Variants in STS observed in about 807,000 individuals in gnomAD.
STS encodes the protein steryl-sulfatase.
A neutral mutation model predicts 26.8 loss-of-function variants in STS; 7 were observed. That is an observed-to-expected ratio of 0.26 (90% CI 0.15 to 0.49). The LOEUF (loss-of-function observed/expected upper bound fraction) is 0.49, where lower values mean the gene tolerates loss of function less well. STS is among the 20% of genes least tolerant of loss of function. STS has a pLI of 0.98. For missense variants in STS, 434 were observed against 465.6 expected (o/e 0.93, Z 0.63); for synonymous variants, 199 against 189.4 (o/e 1.05, Z -0.42).
chrX:7,303,896 A>G (rs1462932099), intron 7 of STS, among the ~76,000 whole-genome samples: 1 of 111,774 alleles, frequency 8.9e-6, no homozygotes, highest in African/African-American at 3.2e-5. Flanking sequence ...CCCTTCACTC[A>G]TATTTAACAG....
chrX:7,148,332 C>G (rs1243753548), intron 1 of STS: 3 of 256,262 alleles, frequency 1.2e-5, no homozygotes, highest in Non-Finnish European at 2.1e-5. Flanking sequence ...TAGCTGCAGA[C>G]CCGGGATGCG....
chrX:7,336,400 T>C (rs1337619023), intron 10 of STS, among the ~76,000 whole-genome samples: 3 of 111,741 alleles, frequency 2.7e-5, no homozygotes, highest in Non-Finnish European at 3.8e-5. Flanking sequence ...GAAAAGCCTC[T>C]CTTTTATTTT....
At chrX:7,277,756 C>T (rs1364066629) in intron 7 of STS, among the ~76,000 whole-genome samples, 1 of 112,316 alleles carries the variant, frequency 8.9e-6, no homozygotes. Flanking sequence ...AAGAAGAATG[C>T]ATTACGCTTA....
In STS at chrX:7,349,934, C is replaced by T. The variant is rs750588207; in HGVS notation, c.1410C>T (p.Pro470=). The change falls in exon 11 of 11, where the codon CCC becomes CCT. Residue 470 remains proline (P), a synonymous_variant. Transcript: ENST00000674429. ...TTTTCTTCACCCCCAACTTCAACCC[C>T]GTGGGTTCCAACGGATGCTTTGCCA... ...KAFFFTPNFN[P]VGSNGCFATH... The T allele has an allele frequency of 2.1e-5, 25 of 1,210,168 alleles. No homozygotes were observed. The highest frequency in any genetic ancestry group is 3.5e-5 in the South Asian group (2 of 56,832).
At chrX:7,298,298 T>C (rs1925762424) in intron 7 of STS, among the ~76,000 whole-genome samples, 1 of 111,848 alleles carries the variant, frequency 8.9e-6, no homozygotes, top group Non-Finnish European at 1.9e-5. Flanking sequence ...TGTAAACTTT[T>C]AGATTTGATT....
At position 7,292,609 on chromosome X, in the gene STS, T is replaced by C. The variant is rs751210599; in HGVS notation, c.944-12437T>C. On this transcript the variant is annotated intron_variant, in intron 7 of 10. Coordinates refer to ENST00000674429, the MANE Select transcript of STS (RefSeq NM_001320752.2). Reference sequence around the variant, plus strand: ...TACTCATGGCTCTGCAGATGGCTTCTGCTTGGTTTGGTCCATAGTCTTGTC... The same window carrying C: ...TACTCATGGCTCTGCAGATGGCTTCCGCTTGGTTTGGTCCATAGTCTTGTC... 2.2e-4 allele frequency among the ~76,000 whole-genome samples: 24 copies of C among 110,992 alleles called. 1 individual carries two copies. The highest frequency in any genetic ancestry group is 6.5e-4 in the African/African-American group (20 of 30,563).
rs765812826 is a variant in STS at position 7,245,300 on chromosome X, C to T, written c.-4-7896C>T. ...AGACGGATGCTAATTTTTGAATCTT[C>T]TCTGTGCCCCGTAAAACCTTCCAGC... On this transcript the variant is annotated intron_variant, in intron 2 of 10. Coordinates refer to ENST00000674429, the MANE Select transcript of STS (RefSeq NM_001320752.2). 9.8e-5 allele frequency among the ~76,000 whole-genome samples: 11 copies of T among 112,174 alleles called. No homozygotes were observed. The East Asian group carries it at 3.1e-3, about 32-fold the overall frequency.
At chrX:7,301,248 C>T (rs1298307887) in intron 7 of STS, among the ~76,000 whole-genome samples, 1 of 109,518 alleles carries the variant, frequency 9.1e-6, no homozygotes, top group Admixed American at 9.7e-5. Context: ...AAAAAATAGC[C>T]AGGCATGGTG....
intron 2 of STS, among the ~76,000 whole-genome samples, chrX:7,239,179 A>G (rs1238225098): frequency 8.9e-6 from 1 of 111,894 alleles, no homozygotes; most frequent in Admixed American, 9.5e-5. Flanking sequence ...AGTGATTTAA[A>G]TAGGTATTTA....
intron 2 of STS, among the ~76,000 whole-genome samples, chrX:7,200,739 A>G (rs756339862): frequency 9.0e-6 from 1 of 111,345 alleles, no homozygotes; most frequent in Non-Finnish European, 1.9e-5. Flanking sequence ...ACCGCAGTCC[A>G]AGCATATTTT....
intron 2 of STS, among the ~76,000 whole-genome samples, chrX:7,226,818 C>A (rs1921828161): frequency 9.0e-6 from 1 of 111,638 alleles, no homozygotes; most frequent in Non-Finnish European, 1.9e-5. Context: ...TTGCTTCAAC[C>A]CAGGAGGTCA....
chrX:7,226,419 C>G (rs779453125), intron 2 of STS, among the ~76,000 whole-genome samples: 1 of 111,953 alleles, frequency 8.9e-6, no homozygotes, highest in South Asian at 3.7e-4. Flanking sequence ...TTTGGATTGT[C>G]TCCAGTTTTT....
intron 2 of STS, among the ~76,000 whole-genome samples, chrX:7,209,078 A>G (rs1920972765): frequency 9.0e-6 from 1 of 111,586 alleles, no homozygotes; most frequent in Admixed American, 9.6e-5. Flanking sequence ...GCCCTTTGCC[A>G]TGTAAGGTAA....
intron 2 of STS, among the ~76,000 whole-genome samples, chrX:7,200,731 C>T (rs968028604): frequency 2.7e-5 from 3 of 111,307 alleles, no homozygotes; most frequent in Non-Finnish European, 3.8e-5. Context: ...CACCAAGAAC[C>T]GCAGTCCAAG....
chrX:7,257,690 A>AAGATAACTG, intron 5 of STS, 102 bp downstream of exon 5: 1 of 1,048,779 alleles, frequency 9.5e-7, no homozygotes, highest in Non-Finnish European at 1.3e-6. Flanking sequence ...CATGACAGTT[A>AAGATAACTG]TCTTAGGGAT....
intron 7 of STS, among the ~76,000 whole-genome samples, chrX:7,285,736 A>C (rs1440798898): frequency 8.9e-6 from 1 of 112,328 alleles, no homozygotes; most frequent in Non-Finnish European, 1.9e-5. Flanking sequence ...TTTAAAAATT[A>C]CACATACCAC....
At chrX:7,167,229 A>G (rs756960939) in intron 1 of STS, among the ~76,000 whole-genome samples, 31 of 110,555 alleles carry the variant, frequency 2.8e-4, no homozygotes, top group African/African-American at 9.2e-4. Flanking sequence ...TTATTTATTT[A>G]TTTAGAGACA....
chrX:7,167,907 T>C (rs1372326424), intron 1 of STS, among the ~76,000 whole-genome samples: 1 of 109,767 alleles, frequency 9.1e-6, no homozygotes. Flanking sequence ...TTGTCCAGAC[T>C]GGTCTCAAAC....
At chrX:7,329,020 A>G (rs1385283517) in intron 9 of STS, among the ~76,000 whole-genome samples, 1 of 111,562 alleles carries the variant, frequency 9.0e-6, no homozygotes, top group Non-Finnish European at 1.9e-5. Context: ...TAAACCACAG[A>G]TGTTGCTTCT....
Sources: allele counts gnomAD v4.1 joint callset (sites outside exome capture counted in the v4.1 genomes callset), GRCh38; gene constraint gnomAD v4.1.1; transcripts MANE v1.5; gene names NCBI Gene and HGNC (gene_info 2026-07-23, HGNC 2026-07-21).